The following AFG2A variants were observed in gnomAD, a reference collection of about 807,000 sequenced individuals.
AFG2A encodes the protein AAA ATPase AFG2A.
the AFG2A span, among the ~76,000 whole-genome samples, chr4:123,238,256 T>G: frequency 6.6e-6 from 1 of 152,190 alleles, no homozygotes; most frequent in Admixed American, 6.5e-5. Context: ...AGGGCATAGC[T>G]GAACAAAAGG....
At chr4:123,213,128 T>A in the AFG2A span, among the ~76,000 whole-genome samples, 9 of 152,260 alleles carry the variant, frequency 5.9e-5, no homozygotes, top group East Asian at 1.7e-3. Context: ...AGTTTTATTT[T>A]CAAAAAGCTG....
chr4:122,996,491 G>C, the AFG2A span, among the ~76,000 whole-genome samples: 4 of 152,032 alleles, frequency 2.6e-5, no homozygotes, highest in Non-Finnish European at 4.4e-5. Context: ...CCAATGGGAT[G>C]GATGGATGGA....
the AFG2A span, among the ~76,000 whole-genome samples, chr4:123,144,599 C>CCATAATTA: frequency 3.3e-5 from 5 of 152,094 alleles, no homozygotes; most frequent in East Asian, 9.7e-4. Flanking sequence ...TTAAAAAGCT[C>CCATAATTA]CATAATTAAA....
At chr4:123,119,985 A>G in the AFG2A span, among the ~76,000 whole-genome samples, 1 of 152,142 alleles carries the variant, frequency 6.6e-6, no homozygotes, top group South Asian at 2.1e-4. Flanking sequence ...CTCACTGACT[A>G]TCATGAGAAC....
chr4:123,012,103 G>A, the AFG2A span, among the ~76,000 whole-genome samples: 3 of 144,330 alleles, frequency 2.1e-5, no homozygotes, highest in African/African-American at 7.8e-5. Flanking sequence ...GTGGAGAGAA[G>A]GAAGGGTAGA....
At chr4:123,206,066 G>A in the AFG2A span, among the ~76,000 whole-genome samples, 1 of 152,090 alleles carries the variant, frequency 6.6e-6, no homozygotes, top group African/African-American at 2.4e-5. Flanking sequence ...TGCTTAAACA[G>A]TGGTTTCCTG....
At chr4:123,162,367 T>C in the AFG2A span, among the ~76,000 whole-genome samples, 115 of 152,300 alleles carry the variant, frequency 7.6e-4, 2 homozygotes, top group Non-Finnish European at 4.4e-5. Flanking sequence ...CTTTACCAAT[T>C]ATAGTGGGCC....
At chr4:123,045,540 G>T in the AFG2A span, among the ~76,000 whole-genome samples, 3 of 152,104 alleles carry the variant, frequency 2.0e-5, no homozygotes, top group Non-Finnish European at 4.4e-5. Flanking sequence ...CATTTTTGTA[G>T]ATTACAGGGT....
the AFG2A span, among the ~76,000 whole-genome samples, chr4:123,151,586 C>A: frequency 6.6e-6 from 1 of 152,206 alleles, no homozygotes; most frequent in East Asian, 1.9e-4. Context: ...GAGATACCAT[C>A]TCTCACCAGT....
chr4:122,939,136 A>AGT, the AFG2A span, among the ~76,000 whole-genome samples: 12 of 115,946 alleles, frequency 1.0e-4, no homozygotes, highest in East Asian at 3.4e-3. Flanking sequence ...CCCAGGCTGG[A>AGT]GTGCAATGGC....
At chr4:123,142,897 C>A in the AFG2A span, among the ~76,000 whole-genome samples, 1 of 151,938 alleles carries the variant, frequency 6.6e-6, no homozygotes, top group Non-Finnish European at 1.5e-5. Context: ...TAAAGTGAGG[C>A]CTTGAGACGC....
chr4:123,202,288 A>G, the AFG2A span, among the ~76,000 whole-genome samples: 1 of 152,020 alleles, frequency 6.6e-6, no homozygotes, highest in Non-Finnish European at 1.5e-5. Context: ...AGTACTTTTT[A>G]GCATATACTA....
chr4:122,934,389 T>C, the AFG2A span: 1 of 1,614,224 alleles, frequency 6.2e-7, no homozygotes. Flanking sequence ...AAGCCAGTGA[T>C]GTTTTGCTGG....
At chr4:123,028,962 T>C in the AFG2A span, among the ~76,000 whole-genome samples, 4 of 152,228 alleles carry the variant, frequency 2.6e-5, no homozygotes, top group Non-Finnish European at 4.4e-5. Flanking sequence ...GGACCAGATA[T>C]TAATTTTATG....
At chr4:123,070,458 G>T in the AFG2A span, among the ~76,000 whole-genome samples, 4 of 152,100 alleles carry the variant, frequency 2.6e-5, no homozygotes, top group Non-Finnish European at 4.4e-5. Flanking sequence ...TCTGGAGGTT[G>T]TGAACTCCAA....
the AFG2A span, among the ~76,000 whole-genome samples, chr4:123,021,363 A>G: frequency 6.6e-6 from 1 of 152,126 alleles, no homozygotes; most frequent in Admixed American, 6.5e-5. Context: ...GTCTTCACCA[A>G]GAAGCCAGAA....
the AFG2A span, among the ~76,000 whole-genome samples, chr4:123,153,911 G>A: frequency 1.3e-5 from 2 of 152,180 alleles, no homozygotes; most frequent in Admixed American, 1.3e-4. Context: ...GTGGAATGCT[G>A]TCTTTAAAGT....
At chr4:123,090,854 A>G in the AFG2A span, 2 of 1,116,800 alleles carry the variant, frequency 1.8e-6, no homozygotes, top group Non-Finnish European at 2.5e-6. Context: ...TGGACTGGTT[A>G]CCATCTTGTC....
chr4:123,062,620 C>T, the AFG2A span, among the ~76,000 whole-genome samples: 1 of 152,068 alleles, frequency 6.6e-6, no homozygotes, highest in Non-Finnish European at 1.5e-5. Context: ...GCTATATTAC[C>T]TATACCAGGT....
Sources: gnomAD v4.1 joint callset for allele counts (sites outside exome capture counted in the v4.1 genomes callset) on GRCh38, gnomAD v4.1.1 for gene constraint, MANE v1.5 for transcripts, NCBI Gene and HGNC (gene_info 2026-07-23, HGNC 2026-07-21) for gene names.